ADGRG2: variants seen among roughly 807,000 people sequenced by gnomAD.
ADGRG2 encodes G protein-coupled receptor 64.
In ADGRG2, 26 loss-of-function variants were observed where a neutral mutation model predicts 74.1. The observed-to-expected ratio is 0.35, with a 90% CI of 0.26 to 0.49. The LOEUF is 0.49. Ranked by LOEUF, ADGRG2 falls within the 20% of genes least tolerant of loss-of-function variation. ADGRG2 has a pLI of 0.99. For synonymous variants in ADGRG2, 296 were observed against 295.2 expected, an observed-to-expected ratio of 1.00 and a Z score of -0.03; for missense variants, 619 against 763.1, an observed-to-expected ratio of 0.81 and a Z score of 2.22.
intron 1 of ADGRG2, among the ~76,000 whole-genome samples, chrX:19,102,506 G>T (rs900750495): frequency 1.8e-5 from 2 of 109,043 alleles, no homozygotes; most frequent in East Asian, 5.8e-4. Flanking sequence ...TCGCATGGAG[G>T]CCCATCGACC....
intron 1 of ADGRG2, among the ~76,000 whole-genome samples, chrX:19,086,389 C>T (rs1305634865): frequency 9.0e-6 from 1 of 111,541 alleles, no homozygotes; most frequent in Non-Finnish European, 1.9e-5. Flanking sequence ...GCAGATTGCC[C>T]CAAACCATGA....
intron 3 of ADGRG2, among the ~76,000 whole-genome samples, chrX:19,058,197 G>A (rs938199370): frequency 2.7e-5 from 3 of 111,809 alleles, no homozygotes; most frequent in Admixed American, 9.5e-5. Context: ...TGCCAGGCAC[G>A]GGGGTTATAG....
At chrX:19,021,301 A>G in intron 13 of ADGRG2, 103 bp from the exon 14 acceptor site, 1 of 529,423 alleles carries the variant, frequency 1.9e-6, no homozygotes, top group Non-Finnish European at 3.3e-6. Context: ...GGGGACACTG[A>G]TACTGTTAAC....
chrX:19,106,620 T>TA (rs1305083672), intron 1 of ADGRG2, among the ~76,000 whole-genome samples: 6 of 109,343 alleles, frequency 5.5e-5, no homozygotes, highest in Non-Finnish European at 1.1e-4. Context: ...TATTCCAGGT[T>TA]AAAAAAAGAG....
rs751725182 is a variant in ADGRG2, at chrX:19,006,050, A to G, written c.1791T>C (p.Asn597=). The G allele has an allele frequency of 1.7e-6, 2 of 1,209,510 alleles. No individual in the cohort carries two copies. Among genetic ancestry groups the G allele is most frequent in the South Asian group, 3.5e-5 (2 of 56,928 alleles). The change falls in exon 22 of 29, where the codon AAT becomes AAC. Residue 597 remains asparagine, a synonymous_variant. Coordinates refer to ENST00000379869, the MANE Select transcript of ADGRG2 (RefSeq NM_001079858.3). Reference sequence around the variant, plus strand: ...GATGGCTACAGGTACAGATGGTTTCATTCAATCTCCTGTCTTTGACAGAGC... The same window carrying G: ...GATGGCTACAGGTACAGATGGTTTCGTTCAATCTCCTGTCTTTGACAGAGC... ...NGCSVKDRRL[N]ETICTCSHLT...
chrX:19,053,625 G>A (rs1202515115), intron 3 of ADGRG2, among the ~76,000 whole-genome samples: 1 of 112,098 alleles, frequency 8.9e-6, no homozygotes, highest in Non-Finnish European at 1.9e-5. Flanking sequence ...ACGAAGATAA[G>A]TGTAACAGGA....
chrX:19,057,377 C>T (rs941894822), intron 3 of ADGRG2, among the ~76,000 whole-genome samples: 3 of 111,964 alleles, frequency 2.7e-5, no homozygotes, highest in Non-Finnish European at 5.6e-5. Context: ...TCGTATTACA[C>T]ATCAGGAAAC....
At chrX:19,008,375 G>A (rs1250715349) in intron 18 of ADGRG2, among the ~76,000 whole-genome samples, 1 of 111,659 alleles carries the variant, frequency 9.0e-6, no homozygotes, top group Non-Finnish European at 1.9e-5. Context: ...ATTAAAGAAA[G>A]GAAGTATAGG....
chrX:19,009,554 A>C, intron 18 of ADGRG2, 72 bp downstream of exon 18: 2 of 960,100 alleles, frequency 2.1e-6, no homozygotes, highest in South Asian at 1.9e-5. Flanking sequence ...TAATTGCCTC[A>C]ATCATGAAAT....
intron 13 of ADGRG2, 163 bp from the exon 14 acceptor site, chrX:19,021,361 A>C: frequency 2.0e-6 from 1 of 497,132 alleles, no homozygotes; most frequent in South Asian, 2.5e-5. Flanking sequence ...CCACGGTCTG[A>C]ATTTTACCCA....
chrX:19,074,564 T>TC (rs1317677246), intron 2 of ADGRG2, among the ~76,000 whole-genome samples: 7 of 61,673 alleles, frequency 1.1e-4, no homozygotes, highest in African/African-American at 4.7e-4. Context: ...TTCTTCTTCT[T>TC]TTTTTTTTTT....
chrX:19,017,685 G>A (rs981731764), intron 15 of ADGRG2, among the ~76,000 whole-genome samples: 7 of 111,799 alleles, frequency 6.3e-5, no homozygotes, highest in African/African-American at 2.0e-4. Context: ...AAGGTCCAAC[G>A]TTTTAATATT....
intron 26 of ADGRG2, among the ~76,000 whole-genome samples, chrX:18,996,516 C>T (rs1455407721): frequency 9.0e-6 from 1 of 110,649 alleles, no homozygotes; most frequent in Admixed American, 9.7e-5. Context: ...CTCTCCCTCC[C>T]TCCCTATTTA....
chrX:19,026,591 G>A (rs2060706667), intron 11 of ADGRG2, among the ~76,000 whole-genome samples: 4 of 109,757 alleles, frequency 3.6e-5, no homozygotes, highest in African/African-American at 1.3e-4. Flanking sequence ...TGCCTCCCAG[G>A]TTTAAGCAAT....
At chrX:19,122,628 G>T (rs2062630621), upstream of ADGRG2, 1 of 109,550 alleles carries the variant, frequency 9.1e-6, no homozygotes, top group Non-Finnish European at 1.9e-5. Context: ...GCGGCGGCGA[G>T]GCTGGGCGCG....
At chrX:19,099,631 C>G (rs1209429957) in intron 1 of ADGRG2, among the ~76,000 whole-genome samples, 1 of 112,258 alleles carries the variant, frequency 8.9e-6, no homozygotes, top group Non-Finnish European at 1.9e-5. Flanking sequence ...TTCGTGACAC[C>G]TACACGTGAT....
intron 3 of ADGRG2, among the ~76,000 whole-genome samples, chrX:19,047,719 C>T (rs1322712211): frequency 9.0e-6 from 1 of 111,272 alleles, no homozygotes; most frequent in Non-Finnish European, 1.9e-5. Flanking sequence ...CCTAGGCACT[C>T]TTATATGGGA....
chrX:19,094,194 A>G (rs1382224740), intron 1 of ADGRG2, among the ~76,000 whole-genome samples: 1 of 111,163 alleles, frequency 9.0e-6, no homozygotes, highest in East Asian at 2.8e-4. Flanking sequence ...ATAGATGGAC[A>G]TACAGTATGG....
chrX:19,011,014 A>G (rs1305171098), intron 16 of ADGRG2, among the ~76,000 whole-genome samples: 2 of 112,103 alleles, frequency 1.8e-5, no homozygotes, highest in Non-Finnish European at 3.8e-5. Flanking sequence ...TCAACAAACT[A>G]TGGTACCTCC....
Sources: allele counts gnomAD v4.1 joint callset (sites outside exome capture counted in the v4.1 genomes callset), GRCh38; gene constraint gnomAD v4.1.1; transcripts MANE v1.5; gene names NCBI Gene and HGNC (gene_info 2026-07-23, HGNC 2026-07-21).